PEBP4: variants seen among roughly 807,000 people sequenced by gnomAD.
PEBP4 encodes the protein phosphatidylethanolamine binding protein 4, also known as phosphatidylethanolamine-binding protein 4.
PEBP4 carries 22 observed loss-of-function variants against 23.9 expected under a neutral mutation model. The ratio of observed to expected loss-of-function variants is 0.92; its 90% CI spans 0.66 to 1.31. The LOEUF (loss-of-function observed/expected upper bound fraction) is 1.31, where lower values mean the gene tolerates loss of function less well. PEBP4 is among the 40% of genes most tolerant of loss of function. The probability of loss-of-function intolerance (pLI) is 0.00; values close to 1 mark genes in which losing one functional copy is unlikely to be tolerated. For missense variants in PEBP4, 324 were observed against 281.7 expected (o/e 1.15, Z -1.07); for synonymous variants, 112 against 99.3 (o/e 1.13, Z -0.76).
At chr8:22,756,700 C>T (rs1805390039) in intron 4 of PEBP4, among the ~76,000 whole-genome samples, 1 of 152,188 alleles carries the variant, frequency 6.6e-6, no homozygotes, top group East Asian at 1.9e-4. Context: ...TCATTGAGGC[C>T]CTTCTTTTGC....
chr8:22,868,159 G>A (rs1341510504), intron 3 of PEBP4, among the ~76,000 whole-genome samples: 1 of 152,212 alleles, frequency 6.6e-6, no homozygotes, highest in African/African-American at 2.4e-5. Context: ...ACCATGAGGA[G>A]CCATTGTGAG....
rs185002195 is a variant in PEBP4 at position 22,823,726 on chromosome 8, G to T, written c.259-5991C>A. 4.7e-3 allele frequency among the ~76,000 whole-genome samples: 706 copies of T among 151,592 alleles called. 3 individuals are homozygous for T. The highest frequency in any genetic ancestry group is 7.5e-3 in the Non-Finnish European group (509 of 67,856). On this transcript the variant is annotated intron_variant, in intron 3 of 6. Transcript: ENST00000256404. ...AAAATTCAAAGACAATAAACTGAGG[G>T]CAAATATTTACAATATCTATGAAAA...
At chr8:22,828,847 G>A (rs1048276954) in intron 3 of PEBP4, among the ~76,000 whole-genome samples, 6 of 152,002 alleles carry the variant, frequency 3.9e-5, no homozygotes, top group African/African-American at 1.2e-4. Flanking sequence ...TTTCCATCTC[G>A]GGCAATCTTT....
intron 3 of PEBP4, among the ~76,000 whole-genome samples, chr8:22,844,191 G>A (rs1042101947): frequency 6.6e-6 from 1 of 152,210 alleles, no homozygotes; most frequent in East Asian, 1.9e-4. Context: ...GGACGAGACT[G>A]TACTAAAGGA....
chr8:22,752,378 T>C (rs184438592), intron 4 of PEBP4, among the ~76,000 whole-genome samples: 1 of 152,310 alleles, frequency 6.6e-6, no homozygotes, highest in Admixed American at 6.5e-5. Context: ...TCTTAGATAC[T>C]TTACCAAATA....
At chr8:22,826,082 T>A (rs150686337) in intron 3 of PEBP4, among the ~76,000 whole-genome samples, 7 of 152,294 alleles carry the variant, frequency 4.6e-5, no homozygotes. Context: ...AGACTTTCAG[T>A]CATGAAGGAA....
chr8:22,806,921 T>TG (rs544666131), intron 4 of PEBP4, among the ~76,000 whole-genome samples: 95 of 152,318 alleles, frequency 6.2e-4, no homozygotes, highest in Non-Finnish European at 1.1e-3. Flanking sequence ...GAAATCTGAG[T>TG]GGTCAGGCAT....
chr8:22,848,491 ATGTG>A (rs895110662), intron 3 of PEBP4, among the ~76,000 whole-genome samples: 2 of 152,020 alleles, frequency 1.3e-5, no homozygotes, highest in South Asian at 2.1e-4. Flanking sequence ...GTGTGTGTGC[ATGTG>A]TGTGTGAGTG....
At chr8:22,885,342 A>T (rs1808351418) in intron 3 of PEBP4, 1 of 152,182 alleles carries the variant, frequency 6.6e-6, no homozygotes, top group Admixed American at 6.5e-5. Context: ...TCTCAGAGTC[A>T]CACAGATAGT....
chr8:22,791,978 T>C (rs1021381328), intron 4 of PEBP4, among the ~76,000 whole-genome samples: 1 of 151,752 alleles, frequency 6.6e-6, no homozygotes, highest in Admixed American at 6.6e-5. Flanking sequence ...TGCCTCAGCC[T>C]CTAGAGTAGC....
At chr8:22,813,642 G>A (rs116808074) in intron 4 of PEBP4, among the ~76,000 whole-genome samples, 64 of 152,342 alleles carry the variant, frequency 4.2e-4, no homozygotes, top group African/African-American at 1.5e-3. Context: ...GATGGAGTCA[G>A]AACTGAAGAT....
intron 3 of PEBP4, among the ~76,000 whole-genome samples, chr8:22,846,874 G>A (rs182344911): frequency 6.6e-6 from 1 of 152,256 alleles, no homozygotes; most frequent in African/African-American, 2.4e-5. Flanking sequence ...TAACAAAGGG[G>A]GTCCTGGCAG....
At chr8:22,784,234 T>C (rs1051872960) in intron 4 of PEBP4, among the ~76,000 whole-genome samples, 2 of 152,020 alleles carry the variant, frequency 1.3e-5, no homozygotes, top group African/African-American at 4.8e-5. Flanking sequence ...TGATGATATG[T>C]AAGTGGAGAG....
intron 4 of PEBP4, among the ~76,000 whole-genome samples, chr8:22,761,982 C>A (rs1805516606): frequency 6.6e-6 from 1 of 152,128 alleles, no homozygotes; most frequent in Admixed American, 6.6e-5. Flanking sequence ...ATTGTTGCTA[C>A]TGGCAGATTT....
chr8:22,810,743 A>T (rs1383861283), intron 4 of PEBP4, among the ~76,000 whole-genome samples: 1 of 151,248 alleles, frequency 6.6e-6, no homozygotes, highest in Non-Finnish European at 1.5e-5. Context: ...AGAAAGAAAG[A>T]GTGAGTTTTC....
At chr8:22,721,262 G>A (rs1360236907) in intron 6 of PEBP4, among the ~76,000 whole-genome samples, 1 of 152,172 alleles carries the variant, frequency 6.6e-6, no homozygotes, top group Non-Finnish European at 1.5e-5. Flanking sequence ...AGATCAACTA[G>A]TCTAACCCTG....
intron 3 of PEBP4, among the ~76,000 whole-genome samples, chr8:22,843,535 G>A (rs890940738): frequency 6.6e-6 from 1 of 152,174 alleles, no homozygotes; most frequent in African/African-American, 2.4e-5. Context: ...ACCAGGCCTG[G>A]GAGAACCTGG....
At chr8:22,868,306 G>A (rs531894362) in intron 3 of PEBP4, among the ~76,000 whole-genome samples, 3 of 152,292 alleles carry the variant, frequency 2.0e-5, no homozygotes, top group African/African-American at 4.8e-5. Flanking sequence ...TGTCTCTTCA[G>A]TGTGATTTTT....
intron 6 of PEBP4, among the ~76,000 whole-genome samples, chr8:22,717,257 CA>C (rs1200826247): frequency 2.6e-5 from 4 of 152,176 alleles, no homozygotes; most frequent in African/African-American, 9.7e-5. Flanking sequence ...AGGCTGATCT[CA>C]AACTCCTGGC....
Sources: gnomAD v4.1 joint callset for allele counts (sites outside exome capture counted in the v4.1 genomes callset) on GRCh38, gnomAD v4.1.1 for gene constraint, MANE v1.5 for transcripts, NCBI Gene and HGNC (gene_info 2026-07-23, HGNC 2026-07-21) for gene names.